The following CYYR1 variants were observed in gnomAD, a reference collection of about 807,000 sequenced individuals.
The protein encoded by CYYR1 is cysteine and tyrosine-rich protein 1.
CYYR1 carries 14 observed loss-of-function variants against 15.2 expected under a neutral mutation model. The ratio of observed to expected loss-of-function variants is 0.92; its 90% CI spans 0.61 to 1.44. The LOEUF (loss-of-function observed/expected upper bound fraction) is 1.44. Among genes scored for constraint, CYYR1 ranks in the 40% most tolerant of loss-of-function variants. The pLI is 0.00. For synonymous variants in CYYR1, 80 were observed against 77.4 expected (o/e 1.03, Z -0.18); for missense variants, 228 against 209.5 (o/e 1.09, Z -0.54).
intron 2 of CYYR1, among the ~76,000 whole-genome samples, chr21:26,522,383 T>A (rs977268482): frequency 3.9e-5 from 6 of 152,146 alleles, no homozygotes; most frequent in Admixed American, 2.6e-4. Context: ...CCCTCAAAAA[T>A]TTTTTAAAAA....
At chr21:26,547,499 T>C (rs538397405) in intron 2 of CYYR1, among the ~76,000 whole-genome samples, 1 of 152,258 alleles carries the variant, frequency 6.6e-6, no homozygotes, top group South Asian at 2.1e-4. Context: ...CTAAAAACAA[T>C]TTGCTATCCC....
intron 2 of CYYR1, among the ~76,000 whole-genome samples, chr21:26,509,301 C>G (rs1393076149): frequency 6.6e-6 from 1 of 152,154 alleles, no homozygotes; most frequent in East Asian, 1.9e-4. Context: ...TATCTGTATG[C>G]TGTTAAGTCA....
At chr21:26,488,899 T>C (rs962353378) in intron 2 of CYYR1, among the ~76,000 whole-genome samples, 4 of 152,132 alleles carry the variant, frequency 2.6e-5, no homozygotes, top group Admixed American at 1.3e-4. Flanking sequence ...AGAAACAAAC[T>C]AGTTTAAAAA....
intron 2 of CYYR1, among the ~76,000 whole-genome samples, chr21:26,480,869 A>G (rs1601731540): frequency 6.6e-6 from 1 of 152,160 alleles, no homozygotes; most frequent in South Asian, 2.1e-4. Context: ...GTGAAATTTA[A>G]CACTCATTCC....
At chr21:26,506,696 A>G (rs2065570068) in intron 2 of CYYR1, 1 of 152,174 alleles carries the variant, frequency 6.6e-6, no homozygotes, top group African/African-American at 2.4e-5. Flanking sequence ...CCAGGTGCCC[A>G]TTCTGTGAAT....
chr21:26,555,786 G>A (rs1369341328), intron 2 of CYYR1, among the ~76,000 whole-genome samples: 2 of 152,068 alleles, frequency 1.3e-5, no homozygotes, highest in African/African-American at 4.8e-5. Flanking sequence ...GAGACAGCTG[G>A]GAGACACTGT....
intron 2 of CYYR1, among the ~76,000 whole-genome samples, chr21:26,553,063 T>C (rs1979509255): frequency 1.3e-5 from 2 of 152,136 alleles, no homozygotes; most frequent in African/African-American, 4.8e-5. Context: ...TTCTTAATTT[T>C]TCTTAATTTA....
chr21:26,564,920 A>C, intron 2 of CYYR1: 2 of 583,794 alleles, frequency 3.4e-6, no homozygotes, highest in Non-Finnish European at 4.8e-6. Flanking sequence ...TGCCACTGTA[A>C]ACATCATTAT....
chr21:26,490,880 G>A (rs1337594167), intron 2 of CYYR1, among the ~76,000 whole-genome samples: 2 of 152,082 alleles, frequency 1.3e-5, no homozygotes, highest in African/African-American at 4.8e-5. Flanking sequence ...TAAGCACTAG[G>A]CATGTAAAGA....
chr21:26,542,138 A>G (rs1219187520), intron 2 of CYYR1, among the ~76,000 whole-genome samples: 2 of 151,818 alleles, frequency 1.3e-5, no homozygotes, highest in Non-Finnish European at 2.9e-5. Context: ...TGAATACAAA[A>G]AAATCAAGTA....
intron 2 of CYYR1, among the ~76,000 whole-genome samples, chr21:26,515,937 C>T (rs550975359): frequency 5.9e-5 from 9 of 152,146 alleles, no homozygotes; most frequent in African/African-American, 2.2e-4. Context: ...TGATTCTTTC[C>T]AGTCAATGCA....
intron 2 of CYYR1, among the ~76,000 whole-genome samples, chr21:26,542,812 G>C (rs1446225468): frequency 6.6e-6 from 1 of 152,086 alleles, no homozygotes; most frequent in Non-Finnish European, 1.5e-5. Flanking sequence ...AACACCAATT[G>C]TATTTTCATA....
At chr21:26,491,114 C>T (rs368118) in intron 2 of CYYR1, among the ~76,000 whole-genome samples, 75,273 of 151,454 alleles carry the variant, frequency 0.5, 19,393 homozygotes, top group African/African-American at 0.56. Flanking sequence ...TAAACTAGAG[C>T]CAAATAGATA....
chr21:26,543,896 A>G (rs1296348203), intron 2 of CYYR1, among the ~76,000 whole-genome samples: 1 of 151,982 alleles, frequency 6.6e-6, no homozygotes, highest in Non-Finnish European at 1.5e-5. Flanking sequence ...ACAGAGTGAG[A>G]CTCCATCTCA....
intron 2 of CYYR1, among the ~76,000 whole-genome samples, chr21:26,562,389 T>G (rs977429934): frequency 6.6e-6 from 1 of 152,218 alleles, no homozygotes; most frequent in African/African-American, 2.4e-5. Flanking sequence ...GTCGGTTCTA[T>G]ATAAAATCGG....
rs932249259 is a variant in CYYR1, at chr21:26,524,145, T to C, written c.176+42121A>G. On this transcript the variant is annotated intron_variant, in intron 2 of 3. Coordinates refer to ENST00000652641, the MANE Select transcript of CYYR1 (RefSeq NM_001320768.2). ...ATACTTGCTACATTTAAACATTTCA[T>C]ATGCCGGGGGTTGTTTTGCATGTTG... Among the ~76,000 whole-genome samples, 8 of 152,246 alleles carry C rather than the reference T, an allele frequency of 5.3e-5. No individual in the cohort carries two copies. The South Asian group carries it at 1.7e-3, about 32-fold the overall frequency.
intron 2 of CYYR1, among the ~76,000 whole-genome samples, chr21:26,508,174 A>G (rs2065595318): frequency 6.6e-6 from 1 of 152,210 alleles, no homozygotes; most frequent in Non-Finnish European, 1.5e-5. Flanking sequence ...GAAATAGCTT[A>G]GGATGCTTGG....
At chr21:26,528,012 A>G (rs193208849) in intron 2 of CYYR1, among the ~76,000 whole-genome samples, 2 of 152,328 alleles carry the variant, frequency 1.3e-5, no homozygotes, top group Admixed American at 6.5e-5. Flanking sequence ...AACACTTAAA[A>G]CGAGTAAAAA....
At chr21:26,501,927 C>T (rs1030586497) in intron 2 of CYYR1, among the ~76,000 whole-genome samples, 2 of 152,064 alleles carry the variant, frequency 1.3e-5, no homozygotes, top group South Asian at 4.1e-4. Flanking sequence ...AACACATACA[C>T]CAAAGGATCT....
Sources: gnomAD v4.1 joint callset for allele counts (sites outside exome capture counted in the v4.1 genomes callset) on GRCh38, gnomAD v4.1.1 for gene constraint, MANE v1.5 for transcripts, NCBI Gene and HGNC (gene_info 2026-07-23, HGNC 2026-07-21) for gene names.